DNM3: variants seen among roughly 807,000 people sequenced by gnomAD.
DNM3 encodes the protein dynamin 3, also known as dynamin-3.
A neutral mutation model predicts 101.6 loss-of-function variants in DNM3; 47 were observed. The ratio of observed to expected loss-of-function variants is 0.46; its 90% CI spans 0.37 to 0.59. The LOEUF (loss-of-function observed/expected upper bound fraction) is 0.59. Among genes scored for constraint, DNM3 ranks in the 20% least tolerant of loss-of-function variants. The probability of loss-of-function intolerance (pLI) is 0.00; values close to 1 mark genes in which losing one functional copy is unlikely to be tolerated. For synonymous variants in DNM3, 385 were observed against 387.9 expected (o/e 0.99, Z 0.09); for missense variants, 849 against 1,085.7 (o/e 0.78, Z 3.06).
intron 2 of DNM3, among the ~76,000 whole-genome samples, chr1:171,949,985 C>A (rs1030115354): frequency 6.6e-6 from 1 of 152,010 alleles, no homozygotes; most frequent in Non-Finnish European, 1.5e-5. Flanking sequence ...ATACAAATAG[C>A]CAGAAACTGG....
chr1:172,155,109 A>G (rs748071697), intron 14 of DNM3, among the ~76,000 whole-genome samples: 4 of 152,046 alleles, frequency 2.6e-5, no homozygotes, highest in Non-Finnish European at 5.9e-5. Flanking sequence ...TGAGATTGCC[A>G]TTTAAAGAGG....
chr1:171,941,805 C>T (rs949956590), intron 2 of DNM3, among the ~76,000 whole-genome samples: 1 of 152,134 alleles, frequency 6.6e-6, no homozygotes, highest in African/African-American at 2.4e-5. Context: ...ATTTCTGTGT[C>T]AGTGCTATCA....
intron 20 of DNM3, 33 bp downstream of exon 20, chr1:172,388,842 G>T (rs1233802377): frequency 1.3e-6 from 2 of 1,498,466 alleles, no homozygotes; most frequent in Non-Finnish European, 1.8e-6. Context: ...GGGGGGTAGT[G>T]CGCCTTGGTT....
chr1:172,270,798 G>A (rs2063054068), intron 15 of DNM3, among the ~76,000 whole-genome samples: 1 of 151,720 alleles, frequency 6.6e-6, no homozygotes, highest in Non-Finnish European at 1.5e-5. Flanking sequence ...GAAACTGCCT[G>A]TGTTTATTTC....
chr1:171,949,719 C>G (rs1466020559), intron 2 of DNM3, among the ~76,000 whole-genome samples: 1 of 151,966 alleles, frequency 6.6e-6, no homozygotes, highest in African/African-American at 2.4e-5. Flanking sequence ...CCTGGCCTCA[C>G]AATGATGTAT....
Position 172,129,612 on chromosome 1 carries a change from AAG to A in DNM3, c.1546-1558_1546-1557del, listed in dbSNP as rs532655935. On this transcript the variant is annotated intron_variant, in intron 13 of 20. Transcript: ENST00000627582. ...TCTTACATGGATGGCAGCAGACAAA[AAG>A]AGAGCTTGTGCAGGGAAACTTCCAT... Among the ~76,000 whole-genome samples, 698 of 152,238 alleles carry A rather than the reference AAG, an allele frequency of 4.6e-3. 7 individuals carry two copies. Among genetic ancestry groups the A allele is most frequent in the African/African-American group, 0.016 (660 of 41,540 alleles).
intron 14 of DNM3, among the ~76,000 whole-genome samples, chr1:172,149,029 G>A (rs1319950791): frequency 6.6e-6 from 1 of 152,132 alleles, no homozygotes; most frequent in East Asian, 1.9e-4. Context: ...TGAAAAAGAA[G>A]TTAAATCAGA....
intron 1 of DNM3, among the ~76,000 whole-genome samples, chr1:171,859,939 G>GTT (rs2034000016): frequency 6.6e-6 from 1 of 152,152 alleles, no homozygotes; most frequent in Non-Finnish European, 1.5e-5. Context: ...GGAACTTAAG[G>GTT]TAAGTCAGTG....
At chr1:172,373,304 G>A (rs1239270621) in intron 17 of DNM3, among the ~76,000 whole-genome samples, 1 of 152,018 alleles carries the variant, frequency 6.6e-6, no homozygotes, top group Non-Finnish European at 1.5e-5. Context: ...AAGTCATTTA[G>A]ACTTATAAAC....
chr1:171,889,047 A>G (rs1331026415), intron 1 of DNM3, among the ~76,000 whole-genome samples: 1 of 152,124 alleles, frequency 6.6e-6, no homozygotes, highest in Non-Finnish European at 1.5e-5. Flanking sequence ...TGGTGCAATC[A>G]CGGCACACTG....
At chr1:172,165,262 A>T (rs1196399361) in intron 14 of DNM3, among the ~76,000 whole-genome samples, 1 of 152,132 alleles carries the variant, frequency 6.6e-6, no homozygotes. Context: ...AAGTTTTTTT[A>T]GAAAGTGGAA....
intron 10 of DNM3, 112 bp downstream of exon 10, chr1:172,048,862 T>TGTGTGTGTGTGTGTG: frequency 7.5e-7 from 1 of 1,334,938 alleles, no homozygotes; most frequent in Non-Finnish European, 1.0e-6. Flanking sequence ...ATGTTGTGTG[T>TGTGTGTGTGTGTGTG]TTGCCTACAG....
At chr1:172,322,562 G>C (rs751844926) in intron 16 of DNM3, among the ~76,000 whole-genome samples, 4 of 152,150 alleles carry the variant, frequency 2.6e-5, no homozygotes, top group Non-Finnish European at 5.9e-5. Context: ...TGCTGCTGGC[G>C]GTTCTGTGTC....
At chr1:172,279,009 A>G (rs2063389308) in intron 15 of DNM3, among the ~76,000 whole-genome samples, 1 of 152,148 alleles carries the variant, frequency 6.6e-6, no homozygotes, top group Non-Finnish European at 1.5e-5. Flanking sequence ...CATAAGCATA[A>G]TCTTGCCAGA....
chr1:172,299,299 T>C (rs1208595256), intron 15 of DNM3, among the ~76,000 whole-genome samples: 2 of 152,032 alleles, frequency 1.3e-5, no homozygotes, highest in Non-Finnish European at 2.9e-5. Context: ...TCATAGGGAG[T>C]GTGGCCTTTT....
intron 1 of DNM3, among the ~76,000 whole-genome samples, chr1:171,850,925 A>G (rs1391539798): frequency 6.6e-6 from 1 of 152,176 alleles, no homozygotes; most frequent in African/African-American, 2.4e-5. Context: ...AAAGACTGGT[A>G]AGGTTCAACC....
downstream of DNM3, among the ~76,000 whole-genome samples, chr1:172,417,071 C>CTGTTTT (rs943559398): frequency 1.3e-5 from 2 of 151,970 alleles, no homozygotes; most frequent in Non-Finnish European, 1.5e-5. Flanking sequence ...AGAAGTTTTT[C>CTGTTTT]TGTTTTTGTT....
chr1:172,130,501 A>C (rs2056878633), intron 13 of DNM3, among the ~76,000 whole-genome samples: 1 of 152,184 alleles, frequency 6.6e-6, no homozygotes, highest in East Asian at 1.9e-4. Flanking sequence ...AAAAAATTTT[A>C]TGAAGATGCT....
intron 1 of DNM3, among the ~76,000 whole-genome samples, chr1:171,881,151 A>G (rs533655022): frequency 6.6e-6 from 1 of 152,250 alleles, no homozygotes; most frequent in African/African-American, 2.4e-5. Context: ...TTCACATTAT[A>G]TTGATCTATT....
Sources: allele counts gnomAD v4.1 joint callset (sites outside exome capture counted in the v4.1 genomes callset), GRCh38; gene constraint gnomAD v4.1.1; transcripts MANE v1.5; gene names NCBI Gene and HGNC (gene_info 2026-07-23, HGNC 2026-07-21).